Variants in ZNF521 observed in about 807,000 individuals in gnomAD.
The protein encoded by ZNF521 is LYST-interacting protein 3.
ZNF521 carries 14 observed loss-of-function variants against 105.5 expected under a neutral mutation model. The ratio of observed to expected loss-of-function variants is 0.13; its 90% CI spans 0.09 to 0.21. The LOEUF (loss-of-function observed/expected upper bound fraction) is 0.21, where lower values mean the gene tolerates loss of function less well. ZNF521 is among the 10% of genes least tolerant of loss of function. The pLI is 1.00. For missense variants in ZNF521, 1,233 were observed against 1,629.7 expected (o/e 0.76, Z 4.19); for synonymous variants, 635 against 606.0 (o/e 1.05, Z -0.70).
intron 5 of ZNF521, among the ~76,000 whole-genome samples, chr18:25,142,722 TTA>T (rs1476816688): frequency 1.3e-5 from 2 of 150,608 alleles, no homozygotes; most frequent in East Asian, 3.9e-4. Flanking sequence ...ATTTTTTTTT[TTA>T]GATTTTCATA....
At chr18:25,218,534 T>C (rs1251832161) in intron 4 of ZNF521, among the ~76,000 whole-genome samples, 5 of 144,774 alleles carry the variant, frequency 3.5e-5, no homozygotes, top group African/African-American at 1.3e-4. Context: ...TGCATACCTG[T>C]ATAGTCTCAG....
chr18:25,218,683 CAA>C (rs111983593), intron 4 of ZNF521, among the ~76,000 whole-genome samples: 5 of 105,016 alleles, frequency 4.8e-5, no homozygotes, highest in Non-Finnish European at 6.5e-5. Flanking sequence ...CTAAAAATTA[CAA>C]AAAAAAAAAA....
chr18:25,236,962 T>A (rs1906940519), intron 3 of ZNF521, among the ~76,000 whole-genome samples: 3 of 152,172 alleles, frequency 2.0e-5, no homozygotes, highest in Admixed American at 2.0e-4. Context: ...ATTCTGAAAA[T>A]AAGGCGAATT....
chr18:25,192,866 A>G (rs2035843006), intron 5 of ZNF521, among the ~76,000 whole-genome samples: 1 of 152,112 alleles, frequency 6.6e-6, no homozygotes, highest in African/African-American at 2.4e-5. Context: ...TTCTCTCTAG[A>G]TACTAACAGC....
chr18:25,209,636 G>A (rs1468493717), intron 4 of ZNF521, among the ~76,000 whole-genome samples: 2 of 151,996 alleles, frequency 1.3e-5, no homozygotes, highest in South Asian at 4.2e-4. Context: ...TCCTGATTTT[G>A]GTATTCACTT....
At chr18:25,349,512 C>A (rs747732335) in intron 2 of ZNF521, among the ~76,000 whole-genome samples, 3 of 152,196 alleles carry the variant, frequency 2.0e-5, no homozygotes, top group Non-Finnish European at 2.9e-5. Context: ...CCCTCCCCCA[C>A]CCCGTCCCTT....
chr18:25,296,837 C>T (rs1911345244), intron 3 of ZNF521, among the ~76,000 whole-genome samples: 1 of 152,124 alleles, frequency 6.6e-6, no homozygotes, highest in Admixed American at 6.6e-5. Context: ...ATCATAATCA[C>T]TAGACAATAT....
chr18:25,320,923 G>A (rs1467298116), intron 3 of ZNF521, among the ~76,000 whole-genome samples: 1 of 152,142 alleles, frequency 6.6e-6, no homozygotes, highest in African/African-American at 2.4e-5. Flanking sequence ...GAAGAGAAGA[G>A]CCACAAGGCA....
Position 25,202,284 on chromosome 18 carries a change from AAATAATACTACAATACCAT to A in ZNF521, c.3574-7059_3574-7041del. 4 of 152,346 alleles carry A rather than the reference AAATAATACTACAATACCAT, an allele frequency of 2.6e-5. No individual in the cohort carries two copies. In the South Asian group the frequency reaches 8.3e-4, roughly 32 times the overall value. 9.4% of individuals were successfully genotyped at this position (152,346 alleles called of 1,614,324 possible). A position where few individuals can be genotyped will look rare whatever the true frequency, so the allele number is the denominator to read the frequency against. On this transcript the variant is annotated intron_variant, in intron 4 of 7. Coordinates refer to ENST00000361524, the MANE Select transcript of ZNF521 (RefSeq NM_015461.3). ...TGGTTGAAAAATTTGAAAAAATAAA[AAATAATACTACAATACCAT>A]AAGAATAATCAAATAAAAAACCAAT...
intron 5 of ZNF521, among the ~76,000 whole-genome samples, chr18:25,116,918 T>TATA (rs1567968550): frequency 2.9e-5 from 4 of 139,348 alleles, no homozygotes; most frequent in South Asian, 2.2e-4. Context: ...TATACGTATA[T>TATA]CTATGTATAT....
chr18:25,335,322 T>C (rs1913810123), intron 2 of ZNF521, among the ~76,000 whole-genome samples: 1 of 152,182 alleles, frequency 6.6e-6, no homozygotes. Flanking sequence ...ATACGTAACT[T>C]AAGGTCTTTG....
intron 3 of ZNF521, among the ~76,000 whole-genome samples, chr18:25,237,436 G>A (rs191406625): frequency 5.9e-5 from 9 of 151,704 alleles, no homozygotes; most frequent in African/African-American, 2.2e-4. Flanking sequence ...TTATATATAT[G>A]TGTCTATATA....
Position 25,091,940 on chromosome 18 carries a change from A to G in ZNF521, c.3790+10T>C. 6.2e-7 allele frequency: 1 copy of G among 1,613,046 alleles called. No homozygotes were observed. On this transcript the variant is annotated intron_variant, in intron 6 of 7. Coordinates refer to ENST00000361524, the MANE Select transcript of ZNF521 (RefSeq NM_015461.3). Reference sequence around the variant, plus strand: ...GCCTCTCCTGTGTCTTCCTGAAATAATCTTCCCACCTGTAAAGCAGACTGG... The same window carrying G: ...GCCTCTCCTGTGTCTTCCTGAAATAGTCTTCCCACCTGTAAAGCAGACTGG...
chr18:25,086,121 A>G (rs1288146025), intron 7 of ZNF521, among the ~76,000 whole-genome samples: 1 of 152,100 alleles, frequency 6.6e-6, no homozygotes, highest in East Asian at 1.9e-4. Context: ...TTTGCACACC[A>G]AGGCATGAAC....
intron 5 of ZNF521, among the ~76,000 whole-genome samples, chr18:25,104,518 T>C (rs538236843): frequency 6.6e-5 from 10 of 152,194 alleles, no homozygotes; most frequent in Non-Finnish European, 1.2e-4. Flanking sequence ...GGTAAAGAAA[T>C]CATAAAAGTC....
At chr18:25,266,037 G>A (rs1052835180) in intron 3 of ZNF521, among the ~76,000 whole-genome samples, 3 of 152,146 alleles carry the variant, frequency 2.0e-5, no homozygotes, top group Non-Finnish European at 2.9e-5. Flanking sequence ...ACCAGGGGCT[G>A]GGAAAAGTAG....
At chr18:25,241,314 T>C (rs936750840) in intron 3 of ZNF521, among the ~76,000 whole-genome samples, 1 of 152,174 alleles carries the variant, frequency 6.6e-6, no homozygotes, top group Admixed American at 6.5e-5. Context: ...CTTATCAGAA[T>C]TGTATTTGAA....
intron 5 of ZNF521, among the ~76,000 whole-genome samples, chr18:25,176,553 C>T (rs1033456574): frequency 3.9e-5 from 6 of 152,164 alleles, no homozygotes; most frequent in African/African-American, 1.4e-4. Context: ...TCTGCTTACA[C>T]CAGAATTAAT....
rs141905087 is a variant in ZNF521, at chr18:25,308,619, C to T, written c.220+13389G>A. ...AGACATCATGTGCTCCAGGAAACCACCCCAATGTGCCAAGTTGGCCTTAAT... is the reference window on the plus strand; with the variant it reads ...AGACATCATGTGCTCCAGGAAACCATCCCAATGTGCCAAGTTGGCCTTAAT... On this transcript the variant is annotated intron_variant, in intron 3 of 7. Coordinates refer to ENST00000361524, the MANE Select transcript of ZNF521 (RefSeq NM_015461.3). Among the ~76,000 whole-genome samples the T allele has an allele frequency of 1.3e-3, 202 of 151,434 alleles. 1 individual carries two copies. The highest frequency in any genetic ancestry group is 4.5e-3 in the African/African-American group (183 of 41,094).
Sources: allele counts gnomAD v4.1 joint callset (sites outside exome capture counted in the v4.1 genomes callset), GRCh38; gene constraint gnomAD v4.1.1; transcripts MANE v1.5; gene names NCBI Gene and HGNC (gene_info 2026-07-23, HGNC 2026-07-21).